MIB1: variants seen among roughly 807,000 people sequenced by gnomAD.
MIB1 encodes MIB E3 ubiquitin protein ligase 1.
A neutral mutation model predicts 124.5 loss-of-function variants in MIB1; 278 were observed. The ratio of observed to expected loss-of-function variants is 2.23; its 90% confidence interval spans 2.02 to 2.47. The LOEUF (loss-of-function observed/expected upper bound fraction) is 2.47, where lower values mean the gene tolerates loss of function less well. Ranked by LOEUF, MIB1 falls within the 30% of genes most tolerant of loss-of-function variation. The probability of loss-of-function intolerance (pLI) is 0.00; values close to 1 mark genes in which losing one functional copy is unlikely to be tolerated. For missense variants in MIB1, 957 were observed against 1,254.4 expected (o/e 0.76, Z 3.58); for synonymous variants, 446 against 429.4 (o/e 1.04, Z -0.48).
intron 1 of MIB1, among the ~76,000 whole-genome samples, chr18:21,755,848 G>C (rs751701860): frequency 3.9e-5 from 6 of 152,138 alleles, no homozygotes; most frequent in Non-Finnish European, 7.3e-5. Context: ...GCACACTTAC[G>C]ATAAGAGTAT....
intron 6 of MIB1, among the ~76,000 whole-genome samples, chr18:21,781,887 G>C (rs1001341576): frequency 2.0e-5 from 3 of 151,678 alleles, no homozygotes. Flanking sequence ...GATTTTATTT[G>C]GGTCTTCTGG....
At chr18:21,708,818 A>G (rs1335510280) in intron 1 of MIB1, among the ~76,000 whole-genome samples, 1 of 152,214 alleles carries the variant, frequency 6.6e-6, no homozygotes, top group East Asian at 1.9e-4. Flanking sequence ...GCAACAGAGG[A>G]GTAAGCAGTT....
Position 21,773,681 on chromosome 18 carries a change from T to C in MIB1, c.589T>C (p.Trp197Arg). Reference sequence around the variant, plus strand: ...CCCACATAGCGCAGCATATGTCCTCTGGGATAATGGTGCTAAGAACCTTTA... The same window carrying C: ...CCCACATAGCGCAGCATATGTCCTCCGGGATAATGGTGCTAAGAACCTTTA... ...SSPHSAAYVL[W>R]DNGAKNLYRV... The change falls in exon 4 of 21, where the codon TGG (tryptophan) becomes CGG (arginine). Residue 197 changes from tryptophan (W) to arginine (R), a missense_variant. Physicochemically the swap from Trp to Arg is moderately radical, Grantham distance 101. Coordinates refer to ENST00000261537, the MANE Select transcript of MIB1 (RefSeq NM_020774.4). The C allele has an allele frequency of 6.2e-7, 1 of 1,609,224 alleles. No individual in the cohort carries two copies. Among genetic ancestry groups the C allele is most frequent in the Non-Finnish European group, 8.5e-7 (1 of 1,178,048 alleles).
chr18:21,705,868 C>T (rs771315637), intron 1 of MIB1, among the ~76,000 whole-genome samples: 31 of 151,984 alleles, frequency 2.0e-4, no homozygotes, highest in Admixed American at 5.9e-4. Flanking sequence ...ATAGAGTTCC[C>T]GAGAGGACAA....
chr18:21,747,713 C>T (rs1023313325), intron 1 of MIB1, among the ~76,000 whole-genome samples: 13 of 152,140 alleles, frequency 8.5e-5, no homozygotes, highest in Non-Finnish European at 1.3e-4. Context: ...TGTGTATTTT[C>T]GATCCTATAC....
chr18:21,727,370 T>C (rs2040747164), intron 1 of MIB1, among the ~76,000 whole-genome samples: 1 of 152,130 alleles, frequency 6.6e-6, no homozygotes, highest in East Asian at 1.9e-4. Context: ...TTGCCTCAAG[T>C]GATCCGCCCA....
intron 1 of MIB1, among the ~76,000 whole-genome samples, chr18:21,731,852 C>T (rs565069357): frequency 8.6e-4 from 128 of 149,350 alleles, no homozygotes; most frequent in Middle Eastern, 7.1e-3. Context: ...ATATTAAAAA[C>T]GCAAACTTTA....
upstream of MIB1, among the ~76,000 whole-genome samples, chr18:21,736,815 G>A (rs2040798576): frequency 2.0e-5 from 3 of 152,178 alleles, no homozygotes; most frequent in South Asian, 6.2e-4. Context: ...CAAGATTAGA[G>A]AAAAAAGAGT....
chr18:21,849,195 G>A lies in MIB1; in HGVS notation c.2394-1G>A, dbSNP rs2042160779. On this transcript the variant is annotated splice_acceptor_variant, in intron 16 of 20. Transcript: ENST00000261537. LOFTEE classifies it high-confidence loss of function. Reference sequence around the variant, plus strand: ...TGATTTGAAATACTTTCTTTTATTAGTGGTCAAGTGGGTTCTCGGAGTCCT... The same window carrying A: ...TGATTTGAAATACTTTCTTTTATTAATGGTCAAGTGGGTTCTCGGAGTCCT... 2 of 1,522,226 alleles carry A rather than the reference G, an allele frequency of 1.3e-6. No homozygotes were observed. Among genetic ancestry groups the A allele is most frequent in the Non-Finnish European group, 1.8e-6 (2 of 1,133,386 alleles). 94.3% of individuals were successfully genotyped at this position (1,522,226 alleles called of 1,614,324 possible).
rs752168281 is a variant in MIB1, at chr18:21,870,730, G to C, written c.*6064G>C. On this transcript the variant is annotated 3_prime_UTR_variant, in exon 21 of 21. Transcript: ENST00000261537. ...GAGGTCATCTAGCTCCAGTTCAAAA[G>C]ATTATGTATATCTGATGTTTAAGAG... The C allele has an allele frequency of 2.6e-5, 4 of 152,142 alleles. No homozygotes were observed. Among genetic ancestry groups the C allele is most frequent in the Admixed American group, 6.5e-5 (1 of 15,274 alleles). The allele number at this position is 152,142 out of a possible 1,614,324, so 9.4% of individuals were successfully genotyped here. A position where few individuals can be genotyped will look rare whatever the true frequency, so the allele number is the denominator to read the frequency against.
At chr18:21,783,867 C>A (rs1023397105) in intron 6 of MIB1, among the ~76,000 whole-genome samples, 1 of 151,842 alleles carries the variant, frequency 6.6e-6, no homozygotes, top group East Asian at 1.9e-4. Context: ...CCACTTTAGC[C>A]TTCCAAGTGG....
chr18:21,800,432 A>G (rs1387121713), intron 9 of MIB1, among the ~76,000 whole-genome samples: 1 of 152,100 alleles, frequency 6.6e-6, no homozygotes, highest in Admixed American at 6.6e-5. Context: ...GTGATAGTTG[A>G]CTATTTCACA....
chr18:21,777,683 C>A (rs2041307318), intron 4 of MIB1, among the ~76,000 whole-genome samples: 1 of 151,992 alleles, frequency 6.6e-6, no homozygotes, highest in African/African-American at 2.4e-5. Context: ...ACCTCCTGAG[C>A]ATCTGGGATT....
intron 10 of MIB1, among the ~76,000 whole-genome samples, chr18:21,815,195 G>A (rs1385407236): frequency 6.6e-6 from 1 of 150,904 alleles, no homozygotes; most frequent in South Asian, 2.1e-4. Context: ...TAGAGACAGG[G>A]TCTCACTCTG....
intron 18 of MIB1, 76 bp downstream of exon 18, chr18:21,853,294 T>C: frequency 8.9e-7 from 1 of 1,127,704 alleles, no homozygotes; most frequent in Non-Finnish European, 1.3e-6. Flanking sequence ...TTTTGAGGGT[T>C]TTTTTGCTTT....
At chr18:21,719,119 C>T (rs552698344) in intron 1 of MIB1, among the ~76,000 whole-genome samples, 5 of 150,530 alleles carry the variant, frequency 3.3e-5, no homozygotes, top group Non-Finnish European at 5.9e-5. Flanking sequence ...ACCCAGGAGG[C>T]GGAGGTTGCA....
At position 21,822,264 on chromosome 18, in the gene MIB1, A is replaced by G. The variant is rs2041885741; in HGVS notation, c.1829+2618A>G. ...GTATAAACTGAGAATTGAAGTGCTT[A>G]GGAAACAAGTATCTTTTAAATATTT... is the stretch of plus-strand genomic sequence containing the variant. On this transcript the variant is annotated intron_variant, in intron 12 of 20. Transcript: ENST00000261537. 2.0e-5 allele frequency among the ~76,000 whole-genome samples: 3 copies of G among 152,250 alleles called. No homozygotes were observed. The South Asian group carries it at 6.2e-4, about 31-fold the overall frequency.
Position 21,846,993 on chromosome 18 carries a change from C to T in MIB1, c.2261C>T (p.Ser754Phe). 6.2e-7 allele frequency: 1 copy of T among 1,614,180 alleles called. No individual in the cohort carries two copies. The highest frequency in any genetic ancestry group is 8.5e-7 in the Non-Finnish European group (1 of 1,180,032). Reference sequence around the variant, plus strand: ...GGGGCAGAGAAGAAGAGTGCAGCATCTATTGCCTGTTTCTTGGCAGCCAAT... The same window carrying T: ...GGGGCAGAGAAGAAGAGTGCAGCATTTATTGCCTGTTTCTTGGCAGCCAAT... ...TQGAEKKSAA[S>F]IACFLAANGA... is the part of the protein sequence containing the mutation. Residue 754 changes from serine (S) to phenylalanine (F), a missense_variant, in exon 16 of 21, where the codon TCT becomes TTT. Transcript: ENST00000261537.
intron 12 of MIB1, among the ~76,000 whole-genome samples, chr18:21,834,761 A>T (rs1036959592): frequency 1.3e-5 from 2 of 152,192 alleles, no homozygotes; most frequent in African/African-American, 2.4e-5. Context: ...TCACAACCAA[A>T]GGGAGCTAAG....
Sources: allele counts gnomAD v4.1 joint callset (sites outside exome capture counted in the v4.1 genomes callset), GRCh38; gene constraint gnomAD v4.1.1; transcripts MANE v1.5; gene names NCBI Gene and HGNC (gene_info 2026-07-23, HGNC 2026-07-21).